Variants in EXOC6B observed in about 807,000 individuals in gnomAD.
EXOC6B encodes the protein SEC15 homolog B.
EXOC6B carries 54 observed loss-of-function variants against 113.5 expected under a neutral mutation model. The ratio of observed to expected loss-of-function variants is 0.48; its 90% confidence interval spans 0.38 to 0.60. The LOEUF is 0.60. EXOC6B is among the 20% of genes least tolerant of loss of function. The probability of loss-of-function intolerance (pLI) is 0.00; values close to 1 mark genes in which losing one functional copy is unlikely to be tolerated. For missense variants in EXOC6B, 797 were observed against 977.5 expected (o/e 0.82, Z 2.46); for synonymous variants, 357 against 339.0 (o/e 1.05, Z -0.58).
At chr2:72,797,376 T>C (rs916611213) in intron 1 of EXOC6B, among the ~76,000 whole-genome samples, 1 of 152,170 alleles carries the variant, frequency 6.6e-6, no homozygotes, top group African/African-American at 2.4e-5. Context: ...TATTTTTTAG[T>C]TTAATGTGGG....
At chr2:72,546,136 C>A (rs1241625012) in intron 8 of EXOC6B, among the ~76,000 whole-genome samples, 1 of 152,138 alleles carries the variant, frequency 6.6e-6, no homozygotes, top group African/African-American at 2.4e-5. Context: ...TATATCCCTG[C>A]AATGGCCATA....
intron 1 of EXOC6B, among the ~76,000 whole-genome samples, chr2:72,794,117 A>T (rs2105050650): frequency 6.6e-6 from 1 of 152,336 alleles, no homozygotes; most frequent in East Asian, 1.9e-4. Context: ...ATCGTCATAT[A>T]TAAACATCCT....
intron 6 of EXOC6B, among the ~76,000 whole-genome samples, chr2:72,625,092 GT>G (rs1447192271): frequency 6.8e-6 from 1 of 147,742 alleles, no homozygotes; most frequent in Non-Finnish European, 1.5e-5. Flanking sequence ...GTTTTGTTTT[GT>G]TTTTTGTTTG....
At chr2:72,218,613 T>C (rs1559027770) in intron 20 of EXOC6B, among the ~76,000 whole-genome samples, 1 of 152,168 alleles carries the variant, frequency 6.6e-6, no homozygotes, top group Admixed American at 6.5e-5. Flanking sequence ...CATTGCTTGC[T>C]CCAGTTTTTA....
In EXOC6B at chr2:72,176,119, A is replaced by C. The variant is rs543408136; in HGVS notation, c.*3216T>G. 1 of 152,342 alleles carries C rather than the reference A, an allele frequency of 6.6e-6. No homozygotes were observed. Among genetic ancestry groups the C allele is most frequent in the South Asian group, 2.1e-4 (1 of 4,826 alleles). 9.4% of individuals were successfully genotyped at this position (152,342 alleles called of 1,614,324 possible). A position where few individuals can be genotyped will look rare whatever the true frequency, so the allele number is the denominator to read the frequency against. On this transcript the variant is annotated 3_prime_UTR_variant, in exon 22 of 22. Transcript: ENST00000272427. ...GCGGCCCATCTGTATCAGTAGCTTTACAAGTAAGTTTTAGAGAAAAAAGTT... is the reference window on the plus strand; with the variant it reads ...GCGGCCCATCTGTATCAGTAGCTTTCCAAGTAAGTTTTAGAGAAAAAAGTT...
intron 19 of EXOC6B, among the ~76,000 whole-genome samples, chr2:72,377,476 C>A: frequency 6.6e-6 from 1 of 151,930 alleles, no homozygotes; most frequent in Non-Finnish European, 1.5e-5. Context: ...TGGAGGAATG[C>A]ATAAAGAAAA....
At chr2:72,603,252 C>T (rs1464434310) in intron 6 of EXOC6B, among the ~76,000 whole-genome samples, 5 of 151,866 alleles carry the variant, frequency 3.3e-5, no homozygotes, top group African/African-American at 7.3e-5. Flanking sequence ...AAGAGGCCTG[C>T]TTTTTTCCAG....
intron 6 of EXOC6B, among the ~76,000 whole-genome samples, chr2:72,593,216 C>T (rs1706086339): frequency 6.6e-6 from 1 of 152,068 alleles, no homozygotes; most frequent in Non-Finnish European, 1.5e-5. Context: ...AAGTTGTACG[C>T]TTTCTAATAA....
intron 20 of EXOC6B, among the ~76,000 whole-genome samples, chr2:72,244,683 C>A (rs1682543738): frequency 6.6e-6 from 1 of 151,856 alleles, no homozygotes; most frequent in African/African-American, 2.4e-5. Flanking sequence ...ATTGAAGACA[C>A]AAATTACCAA....
chr2:72,480,952 C>A (rs1699050540), intron 16 of EXOC6B, among the ~76,000 whole-genome samples: 1 of 152,186 alleles, frequency 6.6e-6, no homozygotes, highest in Admixed American at 6.5e-5. Context: ...TGTGTCCCCA[C>A]CCAAATCTCA....
intron 1 of EXOC6B, among the ~76,000 whole-genome samples, chr2:72,785,784 G>C (rs570028945): frequency 1.3e-5 from 2 of 152,354 alleles, no homozygotes; most frequent in African/African-American, 4.8e-5. Context: ...TTTCCCCATA[G>C]TCTAGGGGAT....
At chr2:72,398,098 A>G (rs1191655065) in intron 18 of EXOC6B, among the ~76,000 whole-genome samples, 1 of 152,240 alleles carries the variant, frequency 6.6e-6, no homozygotes, top group Non-Finnish European at 1.5e-5. Context: ...CATTTGAATC[A>G]GTAGACTTGA....
At chr2:72,187,858 C>T (rs891835088) in intron 20 of EXOC6B, among the ~76,000 whole-genome samples, 1 of 152,232 alleles carries the variant, frequency 6.6e-6, no homozygotes, top group Non-Finnish European at 1.5e-5. Flanking sequence ...TGTCTGCTTT[C>T]TGCTCCCATT....
intron 6 of EXOC6B, among the ~76,000 whole-genome samples, chr2:72,693,855 T>C (rs946366782): frequency 2.0e-5 from 3 of 152,100 alleles, no homozygotes; most frequent in East Asian, 1.9e-4. Context: ...TTTTTTTTTT[T>C]CCTTGTGCCA....
At chr2:72,427,891 C>A (rs4508623) in intron 18 of EXOC6B, among the ~76,000 whole-genome samples, 30,347 of 152,086 alleles carry the variant, frequency 0.2, 5,579 homozygotes, top group African/African-American at 0.49. Context: ...CCCTGAGGCC[C>A]ACAAAAGCTC....
rs543418361 is a variant in EXOC6B at position 72,436,778 on chromosome 2, G to C, written c.1980+28382C>G. ...GTCCCTTATGTTCTTTTCTAAACTG[G>C]TTATTCTAGTTAGCAGTTCCTGTAA... On this transcript the variant is annotated intron_variant, in intron 18 of 21. Transcript: ENST00000272427. Among the ~76,000 whole-genome samples, 5 of 152,122 alleles carry C rather than the reference G, an allele frequency of 3.3e-5. No homozygotes were observed. The East Asian group carries it at 7.8e-4, about 24-fold the overall frequency.
rs1198846252 is a variant in EXOC6B, at chr2:72,459,582, T to G, written c.1980+5578A>C. 4.6e-5 allele frequency among the ~76,000 whole-genome samples: 7 copies of G among 152,202 alleles called. No homozygotes were observed. The East Asian group carries it at 1.4e-3, about 29-fold the overall frequency. On this transcript the variant is annotated intron_variant, in intron 18 of 21. Transcript: ENST00000272427. ...AATAACAGACAAACAGAGAGCCAAA[T>G]CATGAGTGAACTCTCATTCACAATT...
intron 6 of EXOC6B, among the ~76,000 whole-genome samples, chr2:72,643,207 A>G (rs1396850918): frequency 6.6e-6 from 1 of 151,798 alleles, no homozygotes; most frequent in Non-Finnish European, 1.5e-5. Flanking sequence ...CAGTGTGGTG[A>G]CTCCTCAGGG....
In EXOC6B at chr2:72,483,773, C is replaced by T. The variant is rs540636929; in HGVS notation, c.1666-3023G>A. Among the ~76,000 whole-genome samples, 5 of 152,286 alleles carry T rather than the reference C, an allele frequency of 3.3e-5. No homozygotes were observed. The South Asian group carries it at 1.0e-3, about 32-fold the overall frequency. ...AAACCAGAGGCTTTGGGCATAATTTCAAATTGAAAGATAAAATGAAGCAAT... is the reference window on the plus strand; with the variant it reads ...AAACCAGAGGCTTTGGGCATAATTTTAAATTGAAAGATAAAATGAAGCAAT... On this transcript the variant is annotated intron_variant, in intron 16 of 21. Transcript: ENST00000272427.
Sources: allele counts gnomAD v4.1 joint callset (sites outside exome capture counted in the v4.1 genomes callset), GRCh38; gene constraint gnomAD v4.1.1; transcripts MANE v1.5; gene names NCBI Gene and HGNC (gene_info 2026-07-23, HGNC 2026-07-21).